The following MCC variants were observed in gnomAD, a reference collection of about 807,000 sequenced individuals.
MCC encodes the protein MCC regulator of Wnt signaling pathway.
In MCC, 90 loss-of-function variants were observed where a neutral mutation model predicts 116.2. The observed-to-expected ratio is 0.77, with a 90% CI of 0.65 to 0.92. MCC has a LOEUF of 0.92. Ranked by LOEUF, MCC falls within the 40% of genes least tolerant of loss-of-function variation. MCC has a pLI of 0.00. For synonymous variants in MCC, 578 were observed against 510.5 expected (o/e 1.13, Z -1.78); for missense variants, 1,516 against 1,312.2 (o/e 1.16, Z -2.40).
At chr5:113,433,951 A>G (rs1561569517) in intron 1 of MCC, 4 of 1,613,850 alleles carry the variant, frequency 2.5e-6, no homozygotes, top group Admixed American at 1.7e-5. Context: ...GGGGTCCACA[A>G]GGGTTCAGTT....
rs79466519 is a variant in MCC, at chr5:113,161,816, T to C, written c.628-10394A>G. On this transcript the variant is annotated intron_variant, in intron 3 of 18. Transcript: ENST00000408903. ...TCAGCTATTTAGATATTCAATACAA[T>C]CATTTTTAAATGCATTCCCATCTTT... is the stretch of plus-strand genomic sequence containing the variant. 1.1e-3 allele frequency among the ~76,000 whole-genome samples: 167 copies of C among 152,370 alleles called. 1 individual carries two copies. The highest frequency in any genetic ancestry group is 3.9e-3 in the African/African-American group (163 of 41,590).
Position 113,064,048 on chromosome 5 carries a change from C to T in MCC, c.2149G>A (p.Ala717Thr). Reference sequence around the variant, plus strand: ...ACGCTGCAGCCGGCCACGGCAAAGGCTCCCCCACAGCTGCCGTCCAGCTTC... The same window carrying T: ...ACGCTGCAGCCGGCCACGGCAAAGGTTCCCCCACAGCTGCCGTCCAGCTTC... ...LMKLDGSCGG[A>T]FAVAGCSVQP... Residue 717 changes from alanine (A) to threonine (T), a missense_variant, in exon 14 of 19, where the codon GCC becomes ACC. Physicochemically the swap from Ala to Thr is moderately conservative, Grantham distance 58. Transcript: ENST00000408903. 1.9e-6 allele frequency: 3 copies of T among 1,614,204 alleles called. No individual in the cohort carries two copies. The highest frequency in any genetic ancestry group is 2.5e-6 in the Non-Finnish European group (3 of 1,180,044).
Position 113,143,290 on chromosome 5 carries a change from C to T in MCC, c.812G>A (p.Arg271His), listed in dbSNP as rs770396327. 142 of 1,613,720 alleles carry T rather than the reference C, an allele frequency of 8.8e-5. No homozygotes were observed. In the East Asian group the frequency reaches 3.0e-3, roughly 34 times the overall value. ...AATGACGCTGTGGAGCTCTGTGATGCGTTCCTCATAGCGAAGTGTCGTTCG... is the reference window on the plus strand; with the variant it reads ...AATGACGCTGTGGAGCTCTGTGATGTGTTCCTCATAGCGAAGTGTCGTTCG... ...QERTTLRYEE[R>H]ITELHSVIAE... Residue 271 changes from arginine (R) to histidine (H), a missense_variant, in exon 5 of 19, where the codon CGC (arginine) becomes CAC (histidine). Arg to His is a conservative substitution (Grantham distance 29). Transcript: ENST00000408903.
chr5:113,172,287 T>C (rs10053937), intron 3 of MCC, among the ~76,000 whole-genome samples: 3,551 of 152,260 alleles, frequency 0.023, 80 homozygotes, highest in East Asian at 0.082. Context: ...GTCTCAGGCA[T>C]CAAACTCTCA....
chr5:113,406,911 T>TACACCCCTTGAGCCTGGCCCATCTGG (rs1769850966), intron 1 of MCC, among the ~76,000 whole-genome samples: 1 of 152,176 alleles, frequency 6.6e-6, no homozygotes, highest in Non-Finnish European at 1.5e-5. Flanking sequence ...TTAAAGGTTC[T>TACACCCCTTGAGCCTGGCCCATCTGG]ACACCCCTTG....
Position 113,026,253 on chromosome 5 carries a change from C to G in MCC, c.*1049G>C, listed in dbSNP as rs1750540626. 6.6e-6 allele frequency: 1 copy of G among 152,222 alleles called. No homozygotes were observed. Among genetic ancestry groups the G allele is most frequent in the Admixed American group, 6.5e-5 (1 of 15,274 alleles). 9.4% of individuals were successfully genotyped at this position (152,222 alleles called of 1,614,324 possible). On this transcript the variant is annotated 3_prime_UTR_variant, in exon 19 of 19. Coordinates refer to ENST00000408903, the MANE Select transcript of MCC (RefSeq NM_001085377.2). The stretch of plus-strand genomic sequence containing the variant: ...TCTGTCCCCGTCATGACAACAGGAG[C>G]TAAGTCTTGAACTGGGGGTTACACA...
intron 1 of MCC, among the ~76,000 whole-genome samples, chr5:113,484,137 C>T (rs1431158720): frequency 6.6e-6 from 1 of 151,962 alleles, no homozygotes; most frequent in Non-Finnish European, 1.5e-5. Flanking sequence ...GGCTTAGTAT[C>T]CATAACTATA....
chr5:113,468,392 AG>A (rs1771976596), intron 1 of MCC, among the ~76,000 whole-genome samples: 1 of 152,174 alleles, frequency 6.6e-6, no homozygotes, highest in Non-Finnish European at 1.5e-5. Context: ...TTAGCATGAA[AG>A]GTTGTTGAAC....
chr5:113,155,699 T>C (rs188749802), intron 3 of MCC, among the ~76,000 whole-genome samples: 2 of 152,322 alleles, frequency 1.3e-5, no homozygotes, highest in East Asian at 3.9e-4. Context: ...TTCAGACATA[T>C]GAACTATGAA....
chr5:113,156,366 A>T (rs756264656), intron 3 of MCC, among the ~76,000 whole-genome samples: 1 of 152,172 alleles, frequency 6.6e-6, no homozygotes, highest in Non-Finnish European at 1.5e-5. Flanking sequence ...TGGCATCCAG[A>T]AAGTGACTAG....
intron 18 of MCC, among the ~76,000 whole-genome samples, chr5:113,028,293 A>G (rs1750706886): frequency 6.6e-6 from 1 of 152,246 alleles, no homozygotes; most frequent in African/African-American, 2.4e-5. Context: ...GTCTTCTATT[A>G]AGCCAGACAT....
At position 113,076,684 on chromosome 5, in the gene MCC, G is replaced by A. The variant is rs535963565; in HGVS notation, c.1785-5450C>T. On this transcript the variant is annotated intron_variant, in intron 11 of 18. Transcript: ENST00000408903. ...AGCATAAACATGGAAAGGAACAACCGGTACCAGCCACTACAAAAACATGCC... is the reference window on the plus strand; with the variant it reads ...AGCATAAACATGGAAAGGAACAACCAGTACCAGCCACTACAAAAACATGCC... 2.6e-4 allele frequency among the ~76,000 whole-genome samples: 40 copies of A among 152,190 alleles called. 1 individual carries two copies. The highest frequency in any genetic ancestry group is 3.4e-3 in the Middle Eastern group (1 of 292).
At chr5:113,192,434 G>T (rs994739918) in intron 3 of MCC, among the ~76,000 whole-genome samples, 2 of 152,186 alleles carry the variant, frequency 1.3e-5, no homozygotes, top group Non-Finnish European at 1.5e-5. Context: ...TAGGAAATTT[G>T]TGAGTTAAAA....
At chr5:113,029,659 C>T (rs1750821933) in intron 17 of MCC, among the ~76,000 whole-genome samples, 1 of 152,188 alleles carries the variant, frequency 6.6e-6, no homozygotes, top group South Asian at 2.1e-4. Context: ...TCTGTGGATC[C>T]TCTACTACTT....
At chr5:113,339,438 T>TGTGTGTGTGTGTGTGCGC (rs145838279) in intron 3 of MCC, among the ~76,000 whole-genome samples, 32 of 149,670 alleles carry the variant, frequency 2.1e-4, no homozygotes, top group East Asian at 1.4e-3. Context: ...TGTGTGTGTG[T>TGTGTGTGTGTGTGTGCGC]GCGTGCATGT....
intron 1 of MCC, among the ~76,000 whole-genome samples, chr5:113,483,692 G>A (rs935760637): frequency 1.3e-5 from 2 of 152,014 alleles, no homozygotes; most frequent in Admixed American, 6.6e-5. Flanking sequence ...TCATTACTAG[G>A]TATATACTCA....
chr5:113,270,855 AGCCTTT>A (rs1765588926), intron 3 of MCC, among the ~76,000 whole-genome samples: 2 of 151,806 alleles, frequency 1.3e-5, no homozygotes, highest in South Asian at 4.2e-4. Flanking sequence ...TGCTAAGAAA[AGCCTTT>A]GACAGAAAGA....
chr5:113,183,943 C>T (rs183297141), intron 3 of MCC, among the ~76,000 whole-genome samples: 13 of 146,242 alleles, frequency 8.9e-5, no homozygotes, highest in Non-Finnish European at 1.5e-4. Context: ...TGCAATTTTT[C>T]GGTTGTGCAA....
chr5:113,451,360 C>T (rs1771387501), intron 1 of MCC, among the ~76,000 whole-genome samples: 1 of 152,232 alleles, frequency 6.6e-6, no homozygotes, highest in South Asian at 2.1e-4. Context: ...TTTATCCAGA[C>T]CATTTGTTTT....
Sources: allele counts gnomAD v4.1 joint callset (sites outside exome capture counted in the v4.1 genomes callset), GRCh38; gene constraint gnomAD v4.1.1; transcripts MANE v1.5; gene names NCBI Gene and HGNC (gene_info 2026-07-23, HGNC 2026-07-21).